The following MRPL24 variants were observed in gnomAD, a reference collection of about 807,000 sequenced individuals.
MRPL24 encodes mitochondrial ribosomal protein L24, also known as large ribosomal subunit protein uL24m.
In MRPL24, 15 loss-of-function variants were observed where a neutral mutation model predicts 26.9. That is an observed-to-expected ratio of 0.56 (90% CI 0.37 to 0.86). The LOEUF is 0.86. Ranked by LOEUF, MRPL24 falls within the 40% of genes least tolerant of loss-of-function variation. The probability of loss-of-function intolerance (pLI) is 0.00; values close to 1 mark genes in which losing one functional copy is unlikely to be tolerated. For missense variants in MRPL24, 241 were observed against 281.4 expected, an observed-to-expected ratio of 0.86 and a Z score of 1.03; for synonymous variants, 92 against 102.4, an observed-to-expected ratio of 0.90 and a Z score of 0.62.
Position 156,737,628 on chromosome 1 carries a change from C to T in MRPL24, c.514+18G>A, listed in dbSNP as rs556487913. 19 of 1,613,960 alleles carry T rather than the reference C, an allele frequency of 1.2e-5. No individual in the cohort carries two copies. In the Admixed American group the frequency reaches 2.5e-4, roughly 21 times the overall value. On this transcript the variant is annotated intron_variant, in intron 5 of 5. Coordinates refer to ENST00000361531, the MANE Select transcript of MRPL24 (RefSeq NM_145729.3). ...ACTCCTAGCACCCACCCCTGACCTT[C>T]CTGCCCCTCACTCTCACCAATCCAC...
chr1:156,739,209 C>T (rs1243791887), intron 1 of MRPL24, among the ~76,000 whole-genome samples: 1 of 152,012 alleles, frequency 6.6e-6, no homozygotes, highest in Admixed American at 6.6e-5. Context: ...TTAAAATGTC[C>T]CTATCCCACT....
chr1:156,738,154 G>T lies in MRPL24; in HGVS notation c.280-20C>A. ...GTAATGCTGTCCAAGAGAGGGGAGT[G>T]TCAGAAAGCACGGGGTGTGAAAGGG... is the stretch of plus-strand genomic sequence containing the variant. On this transcript the variant is annotated intron_variant, in intron 3 of 5. Coordinates refer to ENST00000361531, the MANE Select transcript of MRPL24 (RefSeq NM_145729.3). The T allele has an allele frequency of 6.2e-7, 1 of 1,612,252 alleles. No homozygotes were observed. Among genetic ancestry groups the T allele is most frequent in the Non-Finnish European group, 8.5e-7 (1 of 1,178,354 alleles).
rs1342822090 is a variant in MRPL24 at position 156,738,027 on chromosome 1, T to C, written c.383+4A>G. 19 of 1,613,840 alleles carry C rather than the reference T, an allele frequency of 1.2e-5. No individual in the cohort carries two copies. Among genetic ancestry groups the C allele is most frequent in the Non-Finnish European group, 1.4e-5 (16 of 1,179,874 alleles). On this transcript the variant is annotated splice_donor_region_variant and intron_variant, in intron 4 of 5. Coordinates refer to ENST00000361531, the MANE Select transcript of MRPL24 (RefSeq NM_145729.3). Reference sequence around the variant, plus strand: ...AACCCTCTGCCCAGAGCCCCGTTGCTTGCCTGTCCATAGGATCCACAAGTT... The same window carrying C: ...AACCCTCTGCCCAGAGCCCCGTTGCCTGCCTGTCCATAGGATCCACAAGTT...
rs142354218 is a variant in MRPL24 at position 156,738,663 on chromosome 1, A to G, written c.42T>C (p.Thr14=). 1 of 1,597,516 alleles carries G rather than the reference A, an allele frequency of 6.3e-7. No homozygotes were observed. The highest frequency in any genetic ancestry group is 1.1e-5 in the South Asian group (1 of 88,454). The change falls in exon 2 of 6, where the codon ACT becomes ACC. Residue 14 remains threonine, a synonymous_variant. Coordinates refer to ENST00000361531, the MANE Select transcript of MRPL24 (RefSeq NM_145729.3). Reference sequence around the variant, plus strand: ...TCCCATAGCGGTAATGGGGGGGCAGAGTGACCTTGGATGCCAAGGCCAGCA... The same window carrying G: ...TCCCATAGCGGTAATGGGGGGGCAGGGTGACCTTGGATGCCAAGGCCAGCA... The part of the protein sequence containing the change: ...SALLALASKV[T]LPPHYRYGMS...
At chr1:156,738,196 C>G (rs1215916542) in intron 3 of MRPL24, 62 bp from the exon 4 acceptor site, 51 of 1,578,314 alleles carry the variant, frequency 3.2e-5, no homozygotes, top group South Asian at 1.3e-4. Flanking sequence ...CCTTGCTACT[C>G]GGCGCATTCA....
In MRPL24 at chr1:156,738,439, C is replaced by G; in HGVS notation, c.184-1G>C. On this transcript the variant is annotated splice_acceptor_variant, in intron 2 of 5. Coordinates refer to ENST00000361531, the MANE Select transcript of MRPL24 (RefSeq NM_145729.3). LOFTEE classifies it high-confidence loss of function. ...CATCCTTGCCTTCTAGGATCTCCAC[C>G]TGTGGGAAGATACGAAGGTTAGGGA... is the stretch of plus-strand genomic sequence containing the variant. 1 of 1,613,940 alleles carries G rather than the reference C, an allele frequency of 6.2e-7. No homozygotes were observed. Among genetic ancestry groups the G allele is most frequent in the East Asian group, 2.2e-5 (1 of 44,892 alleles).
Position 156,738,456 on chromosome 1 carries a change from G to A in MRPL24, c.184-18C>T, listed in dbSNP as rs1192548162. 1.1e-5 allele frequency: 17 copies of A among 1,613,808 alleles called. No homozygotes were observed. The highest frequency in any genetic ancestry group is 1.4e-5 in the Non-Finnish European group (17 of 1,179,764). On this transcript the variant is annotated intron_variant, in intron 2 of 5. Coordinates refer to ENST00000361531, the MANE Select transcript of MRPL24 (RefSeq NM_145729.3). Reference sequence around the variant, plus strand: ...ATCTCCACCTGTGGGAAGATACGAAGGTTAGGGAGGGGGATCCTTGCCCAG... The same window carrying A: ...ATCTCCACCTGTGGGAAGATACGAAAGTTAGGGAGGGGGATCCTTGCCCAG...
rs1650085720 is a variant in MRPL24, at chr1:156,741,052, CCT to C, written c.-103_-102del. On this transcript the variant is annotated 5_prime_UTR_variant, in exon 1 of 6. Transcript: ENST00000361531. ...GCACCTCTAGGGCGGGCGGCCCTCACCTCCACTTTCCGCGGCACTTCGGATTT... is the reference window on the plus strand; with the variant it reads ...GCACCTCTAGGGCGGGCGGCCCTCACCCACTTTCCGCGGCACTTCGGATTT... 6.6e-6 allele frequency: 1 copy of C among 152,266 alleles called. No individual in the cohort carries two copies. The highest frequency in any genetic ancestry group is 1.5e-5 in the Non-Finnish European group (1 of 68,078). The allele number at this position is 152,266 out of a possible 1,614,324, so 9.4% of individuals were successfully genotyped here. A position where few individuals can be genotyped will look rare whatever the true frequency, so the allele number is the denominator to read the frequency against.
intron 1 of MRPL24, 67 bp from the exon 2 acceptor site, chr1:156,738,831 TATTGCTCAATGGACCTC>T (rs1406424016): frequency 1.1e-5 from 8 of 754,690 alleles, no homozygotes; most frequent in Non-Finnish European, 1.7e-5. Flanking sequence ...GCACTTACTC[TATTGCTCAATGGACCTC>T]ATCACATTGA....
Position 156,737,746 on chromosome 1 carries a change from A to G in MRPL24, c.414T>C (p.Thr138=). ...RKPTEIEWRF[T]EAGERVRVST... is the part of the protein sequence containing the mutation. The stretch of plus-strand genomic sequence containing the variant: ...AGACTCGTACCCGCTCTCCTGCTTC[A>G]GTAAATCTCCACTCGATCTCAGTGG... Residue 138 remains threonine, a synonymous_variant, in exon 5 of 6, where the codon ACT becomes ACC. Coordinates refer to ENST00000361531, the MANE Select transcript of MRPL24 (RefSeq NM_145729.3). The G allele has an allele frequency of 6.2e-7, 1 of 1,614,174 alleles. No homozygotes were observed. The highest frequency in any genetic ancestry group is 1.1e-5 in the South Asian group (1 of 91,080).
chr1:156,738,920 ATG>A (rs1216621886), intron 1 of MRPL24, among the ~76,000 whole-genome samples, 156 bp from the exon 2 acceptor site: 1 of 152,240 alleles, frequency 6.6e-6, no homozygotes, highest in African/African-American at 2.4e-5. Context: ...TAACTTGCTT[ATG>A]ATTACAAAGC....
rs759622852 is a variant in MRPL24, at chr1:156,738,661, A to T, written c.44T>A (p.Leu15Gln). Residue 15 changes from leucine to glutamine, a missense_variant, in exon 2 of 6, where the codon CTG becomes CAG. By Grantham distance (113) the Leu-to-Gln change is moderately radical (BLOSUM62 -2). Coordinates refer to ENST00000361531, the MANE Select transcript of MRPL24 (RefSeq NM_145729.3). ...CATCCCATAGCGGTAATGGGGGGGCAGAGTGACCTTGGATGCCAAGGCCAG... is the reference window on the plus strand; with the variant it reads ...CATCCCATAGCGGTAATGGGGGGGCTGAGTGACCTTGGATGCCAAGGCCAG... ...ALLALASKVT[L>Q]PPHYRYGMSP... is the part of the protein sequence containing the mutation. The T allele has an allele frequency of 1.3e-5, 20 of 1,597,638 alleles. No homozygotes were observed. In the East Asian group the frequency reaches 4.0e-4, roughly 32 times the overall value.
rs11581044 is a variant in MRPL24 at position 156,737,905 on chromosome 1, G to A, written c.383+126C>T. On this transcript the variant is annotated intron_variant, in intron 4 of 5. Coordinates refer to ENST00000361531, the MANE Select transcript of MRPL24 (RefSeq NM_145729.3). Reference sequence around the variant, plus strand: ...CTCCACCTCTGTGTTGGGGTTACCCGCAGGGAATCATGTCCATGAGATGGT... The same window carrying A: ...CTCCACCTCTGTGTTGGGGTTACCCACAGGGAATCATGTCCATGAGATGGT... The A allele has an allele frequency of 0.33, 476,940 of 1,440,014 alleles. 84,026 individuals carry two copies. The highest frequency in any genetic ancestry group is 0.66 in the East Asian group (28,377 of 42,766). The allele number at this position is 1,440,014 out of a possible 1,614,324, so 89.2% of individuals were successfully genotyped here.
At chr1:156,738,273 T>TA in intron 3 of MRPL24, 70 bp downstream of exon 3, 1 of 1,556,762 alleles carries the variant, frequency 6.4e-7, no homozygotes, top group Non-Finnish European at 8.9e-7. Flanking sequence ...TGCCACCCTG[T>TA]GCTGCTCTGA....
upstream of MRPL24, chr1:156,742,715 C>T (rs1650213479): frequency 6.5e-6 from 1 of 154,722 alleles, no homozygotes; most frequent in Non-Finnish European, 1.5e-5. Flanking sequence ...ATGCTCAACA[C>T]TCCCACCCAA....
intron 4 of MRPL24, 49 bp downstream of exon 4, chr1:156,737,982 T>C (rs1280964712): frequency 6.4e-7 from 1 of 1,574,050 alleles, no homozygotes; most frequent in Non-Finnish European, 8.7e-7. Flanking sequence ...GACAGCACTT[T>C]TTGGACCCAG....
intron 5 of MRPL24, 55 bp downstream of exon 5, chr1:156,737,591 T>A (rs1649911798): frequency 5.6e-6 from 9 of 1,605,752 alleles, no homozygotes; most frequent in South Asian, 1.1e-5. Context: ...TTCATTAATG[T>A]CCCCTACTCT....
At chr1:156,737,920 C>T in intron 4 of MRPL24, 111 bp downstream of exon 4, 1 of 1,419,104 alleles carries the variant, frequency 7.0e-7, no homozygotes, top group South Asian at 1.3e-5. Flanking sequence ...GAATCATGTC[C>T]ATGAGATGGT....
upstream of MRPL24, chr1:156,742,645 G>C (rs1254141313): frequency 6.5e-6 from 1 of 153,174 alleles, no homozygotes; most frequent in Non-Finnish European, 1.5e-5. Context: ...GAGGAAAAAG[G>C]ACAGCTAGGA....
Sources: allele counts gnomAD v4.1 joint callset (sites outside exome capture counted in the v4.1 genomes callset), GRCh38; gene constraint gnomAD v4.1.1; transcripts MANE v1.5; gene names NCBI Gene and HGNC (gene_info 2026-07-23, HGNC 2026-07-21).